Variants in MAT1A observed in about 807,000 individuals in gnomAD.
The protein encoded by MAT1A is S-adenosylmethionine synthase isoform type-1.
MAT1A carries 19 observed loss-of-function variants against 44.0 expected under a neutral mutation model. That is an observed-to-expected ratio of 0.43 (90% CI 0.30 to 0.63). The LOEUF (loss-of-function observed/expected upper bound fraction) is 0.63. Ranked by LOEUF, MAT1A falls within the 30% of genes least tolerant of loss-of-function variation. The pLI, the probability that MAT1A is intolerant of heterozygous loss-of-function variation, is 0.12. For synonymous variants in MAT1A, 205 were observed against 205.6 expected, an observed-to-expected ratio of 1.00 and a Z score of 0.03; for missense variants, 397 against 531.0, an observed-to-expected ratio of 0.75 and a Z score of 2.48.
intron 4 of MAT1A, 29 bp from the exon 5 acceptor site, chr10:80,280,345 C>T: frequency 6.2e-7 from 1 of 1,612,778 alleles, no homozygotes; most frequent in South Asian, 1.1e-5. Context: ...CTGAGCGGCG[C>T]CCACCCTAGA....
At chr10:80,281,619 C>T (rs575654587) in intron 3 of MAT1A, among the ~76,000 whole-genome samples, 1 of 152,282 alleles carries the variant, frequency 6.6e-6, no homozygotes, top group East Asian at 1.9e-4. Context: ...AGCATAGTGA[C>T]ACACTCACTC....
chr10:80,280,244 G>A lies in MAT1A; in HGVS notation c.478C>T (p.Leu160Phe). 1 of 1,614,132 alleles carries A rather than the reference G, an allele frequency of 6.2e-7. No homozygotes were observed. Among genetic ancestry groups the A allele is most frequent in the Non-Finnish European group, 8.5e-7 (1 of 1,180,032 alleles). Residue 160 changes from leucine (L) to phenylalanine (F), a missense_variant, in exon 5 of 9, where the codon CTC (leucine) becomes TTC (phenylalanine). Transcript: ENST00000372213. ...CTGAGGTCTGCCATCCGGGCGTTGA[G>A]CTTGTGAGCAAGGATGATGGTGAGG... ...MPLTIILAHK[L>F]NARMADLRRS...
Position 80,272,529 on chromosome 10 carries a change from C to T in MAT1A, c.*1252G>A, listed in dbSNP as rs1841423554. ...GCCTATTTAACATGAGGCCATAGGACCAGCCTCCCTGGATCCGAAAGGGCC... is the reference window on the plus strand; with the variant it reads ...GCCTATTTAACATGAGGCCATAGGATCAGCCTCCCTGGATCCGAAAGGGCC... On this transcript the variant is annotated 3_prime_UTR_variant, in exon 9 of 9. Transcript: ENST00000372213. The T allele has an allele frequency of 6.6e-6, 1 of 152,246 alleles. No homozygotes were observed. Among genetic ancestry groups the T allele is most frequent in the African/African-American group, 2.4e-5 (1 of 41,410 alleles). The allele number at this position is 152,246 out of a possible 1,614,324, so 9.4% of individuals were successfully genotyped here.
rs1065766 is a variant in MAT1A at position 80,273,682 on chromosome 10, T to A, written c.*99A>T. Reference sequence around the variant, plus strand: ...AGGGACCTGGCTTTGCCCTGAGGGTTGGTGGGTGGGGAAGGCGATCAGCAG... The same window carrying A: ...AGGGACCTGGCTTTGCCCTGAGGGTAGGTGGGTGGGGAAGGCGATCAGCAG... On this transcript the variant is annotated 3_prime_UTR_variant, in exon 9 of 9. Coordinates refer to ENST00000372213, the MANE Select transcript of MAT1A (RefSeq NM_000429.3). 2.0e-4 allele frequency: 174 copies of A among 868,228 alleles called. No homozygotes were observed. The highest frequency in any genetic ancestry group is 1.3e-3 in the Admixed American group (77 of 58,886). 53.8% of individuals were successfully genotyped at this position (868,228 alleles called of 1,614,324 possible). A position where few individuals can be genotyped will look rare whatever the true frequency, so the allele number is the denominator to read the frequency against.
At chr10:80,285,450 T>A in intron 2 of MAT1A, 62 bp downstream of exon 2, 1 of 1,349,964 alleles carries the variant, frequency 7.4e-7, no homozygotes, top group South Asian at 1.2e-5. Context: ...CTTATACCCA[T>A]GATTAATTTC....
In MAT1A at chr10:80,272,450, C is replaced by T. The variant is rs1414673885; in HGVS notation, c.*1331G>A. ...TCCCCAGACAGTCACCTGGCAAAGG[C>T]AGAATCTCCTCATGACGTCTCAGAA... On this transcript the variant is annotated 3_prime_UTR_variant, in exon 9 of 9. Coordinates refer to ENST00000372213, the MANE Select transcript of MAT1A (RefSeq NM_000429.3). The T allele has an allele frequency of 6.6e-6, 1 of 152,352 alleles. No individual in the cohort carries two copies. Among genetic ancestry groups the T allele is most frequent in the Non-Finnish European group, 1.5e-5 (1 of 68,176 alleles). 9.4% of individuals were successfully genotyped at this position (152,352 alleles called of 1,614,324 possible).
rs763908889 is a variant in MAT1A at position 80,280,729 on chromosome 10, T to C, written c.356A>G (p.Gln119Arg). 2.5e-6 allele frequency: 4 copies of C among 1,614,098 alleles called. No individual in the cohort carries two copies. Among genetic ancestry groups the C allele is most frequent in the African/African-American group, 2.7e-5 (2 of 74,926 alleles). ...ALEQQSPDIAQCVHLDRNEED... is the reference protein window; with the variant it reads ...ALEQQSPDIARCVHLDRNEED... ...CTCATTTCTGTCCAGATGGACGCAC[T>C]GGGCAATATCTGGGGATTGCTGCTC... The change falls in exon 4 of 9, where the codon CAG becomes CGG. Residue 119 changes from glutamine to arginine, a missense_variant. By Grantham distance (43) the Gln-to-Arg change is conservative (BLOSUM62 1). Coordinates refer to ENST00000372213, the MANE Select transcript of MAT1A (RefSeq NM_000429.3).
intron 6 of MAT1A, among the ~76,000 whole-genome samples, chr10:80,276,061 G>A (rs1841481158): frequency 6.6e-6 from 1 of 152,236 alleles, no homozygotes; most frequent in Admixed American, 6.5e-5. Context: ...GTGCACCAGA[G>A]CAGGGTGAGG....
rs1322442457 is a variant in MAT1A at position 80,272,042 on chromosome 10, G to A, written c.*1739C>T. ...TGGGAAGGAATCTGAGGCTTCCTAG[G>A]TGACCAGGAGCCGGGCTTCTTTTGT... On this transcript the variant is annotated 3_prime_UTR_variant, in exon 9 of 9. Transcript: ENST00000372213. 2 of 152,158 alleles carry A rather than the reference G, an allele frequency of 1.3e-5. No homozygotes were observed. The highest frequency in any genetic ancestry group is 2.9e-5 in the Non-Finnish European group (2 of 68,028). The allele number at this position is 152,158 out of a possible 1,614,324, so 9.4% of individuals were successfully genotyped here.
chr10:80,279,570 TG>T (rs1251950680), intron 5 of MAT1A, among the ~76,000 whole-genome samples: 6 of 152,054 alleles, frequency 3.9e-5, no homozygotes, highest in African/African-American at 1.4e-4. Context: ...CCAGGAGGCC[TG>T]CGTCTCCACT....
intron 5 of MAT1A, 36 bp from the exon 6 acceptor site, chr10:80,276,630 C>T (rs1841489600): frequency 6.3e-7 from 1 of 1,597,498 alleles, no homozygotes; most frequent in Non-Finnish European, 8.5e-7. Context: ...TACTGTGAGG[C>T]TGAGGCTGAG....
intron 2 of MAT1A, among the ~76,000 whole-genome samples, chr10:80,285,110 C>T (rs1287477619): frequency 6.6e-6 from 1 of 152,188 alleles, no homozygotes; most frequent in Non-Finnish European, 1.5e-5. Flanking sequence ...AAGGCTCCTA[C>T]AATGAGGATG....
In MAT1A at chr10:80,289,358, C is replaced by G. The variant is rs114062313; in HGVS notation, c.66G>C (p.Ser22=). ...SLSEGVFMFT[S]ESVGEGHPDK... ...CCGGGTGTCCCTCTCCCACAGACTCCGATGTGAACATGAAGACTCCTTCAC... is the reference window on the plus strand; with the variant it reads ...CCGGGTGTCCCTCTCCCACAGACTCGGATGTGAACATGAAGACTCCTTCAC... The change falls in exon 1 of 9, where the codon TCG becomes TCC. Residue 22 remains serine (S), a synonymous_variant. Coordinates refer to ENST00000372213, the MANE Select transcript of MAT1A (RefSeq NM_000429.3). 6.2e-7 allele frequency: 1 copy of G among 1,614,174 alleles called. No individual in the cohort carries two copies.
Position 80,280,796 on chromosome 10 carries a change from G to A in MAT1A, c.293-4C>T, listed in dbSNP as rs770019141. 3.7e-6 allele frequency: 6 copies of A among 1,612,096 alleles called. No homozygotes were observed. The highest frequency in any genetic ancestry group is 5.1e-6 in the Non-Finnish European group (6 of 1,178,116). Reference sequence around the variant, plus strand: ...TTGCAAGTCTTGAAGTCAAAGCCTAGGCGGAAGCAAAGTGAGCCTAAGTGG... The same window carrying A: ...TTGCAAGTCTTGAAGTCAAAGCCTAAGCGGAAGCAAAGTGAGCCTAAGTGG... On this transcript the variant is annotated splice_polypyrimidine_tract_variant and splice_region_variant and intron_variant, in intron 3 of 8. Coordinates refer to ENST00000372213, the MANE Select transcript of MAT1A (RefSeq NM_000429.3).
chr10:80,284,552 G>T (rs1047753474), intron 2 of MAT1A, among the ~76,000 whole-genome samples: 2 of 152,218 alleles, frequency 1.3e-5, no homozygotes, highest in Non-Finnish European at 2.9e-5. Context: ...AGTCCCTGTA[G>T]TATTCAATAC....
rs750359732 is a variant in MAT1A at position 80,280,759 on chromosome 10, G to A, written c.326C>T (p.Ala109Val). Residue 109 changes from alanine to valine, a missense_variant, in exon 4 of 9, where the codon GCT becomes GTT. Physicochemically the swap from Ala to Val is moderately conservative, Grantham distance 64 (BLOSUM62 0). Transcript: ENST00000372213. The part of the protein sequence containing the change: ...FDFKTCNVLV[A>V]LEQQSPDIAQ... ...AATATCTGGGGATTGCTGCTCCAAA[G>A]CCACCAGCACGTTGCAAGTCTTGAA... 18 of 1,614,198 alleles carry A rather than the reference G, an allele frequency of 1.1e-5. No homozygotes were observed. In the Admixed American group the frequency reaches 3.0e-4, roughly 27 times the overall value.
At chr10:80,286,101 T>C (rs1042978351) in intron 1 of MAT1A, among the ~76,000 whole-genome samples, 3 of 152,182 alleles carry the variant, frequency 2.0e-5, no homozygotes, top group African/African-American at 4.8e-5. Flanking sequence ...AGTGCTGGGA[T>C]TACAGGTGTT....
rs1287249916 is a variant in MAT1A at position 80,273,049 on chromosome 10, G to A, written c.*732C>T. The A allele has an allele frequency of 6.6e-6, 1 of 152,476 alleles. No homozygotes were observed. Among genetic ancestry groups the A allele is most frequent in the Non-Finnish European group, 1.5e-5 (1 of 68,308 alleles). 9.4% of individuals were successfully genotyped at this position (152,476 alleles called of 1,614,324 possible). A position where few individuals can be genotyped will look rare whatever the true frequency, so the allele number is the denominator to read the frequency against. On this transcript the variant is annotated 3_prime_UTR_variant, in exon 9 of 9. Coordinates refer to ENST00000372213, the MANE Select transcript of MAT1A (RefSeq NM_000429.3). ...CCTGTTACTGGCATGAGACAACGGT[G>A]GGGGAGGGGGTATGTCACAGGCTCC...
chr10:80,274,950 C>T, intron 7 of MAT1A, 67 bp downstream of exon 7: 3 of 1,518,698 alleles, frequency 2.0e-6, no homozygotes, highest in Non-Finnish European at 1.8e-6. Flanking sequence ...AACATCCCCT[C>T]ACTCAGGGCA....
Sources: allele counts gnomAD v4.1 joint callset (sites outside exome capture counted in the v4.1 genomes callset), GRCh38; gene constraint gnomAD v4.1.1; transcripts MANE v1.5; gene names NCBI Gene and HGNC (gene_info 2026-07-23, HGNC 2026-07-21).